Variants in ATL1 observed in about 807,000 individuals in gnomAD.
ATL1 encodes the protein atlastin-1.
In ATL1, 31 loss-of-function variants were observed where a neutral mutation model predicts 75.5. The ratio of observed to expected loss-of-function variants is 0.41; its 90% CI spans 0.31 to 0.55. The LOEUF is 0.55. ATL1 is among the 20% of genes least tolerant of loss of function. The pLI is 0.27. For synonymous variants in ATL1, 226 were observed against 233.3 expected, an observed-to-expected ratio of 0.97 and a Z score of 0.28; for missense variants, 405 against 662.6, an observed-to-expected ratio of 0.61 and a Z score of 4.27.
intron 6 of ATL1, among the ~76,000 whole-genome samples, chr14:50,609,398 A>G (rs2039343440): frequency 6.6e-6 from 1 of 152,060 alleles, no homozygotes; most frequent in Admixed American, 6.6e-5. Flanking sequence ...ATTAAAAAAA[A>G]ACTTTCATTA....
At chr14:50,564,093 T>C (rs1479843615) in intron 1 of ATL1, among the ~76,000 whole-genome samples, 1 of 152,090 alleles carries the variant, frequency 6.6e-6, no homozygotes, top group Non-Finnish European at 1.5e-5. Flanking sequence ...CTGTATAAAT[T>C]TGATCATTTG....
At chr14:50,560,788 G>T (rs544272911) in intron 1 of ATL1, among the ~76,000 whole-genome samples, 3 of 152,190 alleles carry the variant, frequency 2.0e-5, no homozygotes, top group Admixed American at 6.5e-5. Flanking sequence ...GGCGGCGGGC[G>T]GCGGGCGGCG....
chr14:50,569,151 G>C (rs2038931967), intron 1 of ATL1, among the ~76,000 whole-genome samples: 1 of 151,524 alleles, frequency 6.6e-6, no homozygotes. Context: ...TGGAGTTCAA[G>C]ACCAGGAATT....
chr14:50,535,318 A>G (rs2038477970), intron 1 of ATL1, among the ~76,000 whole-genome samples: 1 of 152,264 alleles, frequency 6.6e-6, no homozygotes, highest in Admixed American at 6.5e-5. Flanking sequence ...GCTAAGGTTC[A>G]CAATTTATTA....
chr14:50,566,386 A>G (rs2038904455), intron 1 of ATL1, among the ~76,000 whole-genome samples: 1 of 152,194 alleles, frequency 6.6e-6, no homozygotes, highest in Non-Finnish European at 1.5e-5. Flanking sequence ...CAGTTTAGCT[A>G]TAAATAAATA....
upstream of ATL1, chr14:50,559,583 A>G (rs917462239): frequency 1.3e-5 from 2 of 152,248 alleles, no homozygotes; most frequent in Admixed American, 1.3e-4. Context: ...AATTTTACCC[A>G]GTGGATATTG....
At chr14:50,575,166 AT>A (rs2038994258) in intron 1 of ATL1, among the ~76,000 whole-genome samples, 1 of 151,682 alleles carries the variant, frequency 6.6e-6, no homozygotes, top group African/African-American at 2.4e-5. Flanking sequence ...ACACACACAC[AT>A]ACACACACAT....
At chr14:50,627,021 G>A (rs149368730) in intron 11 of ATL1, among the ~76,000 whole-genome samples, 1 of 152,196 alleles carries the variant, frequency 6.6e-6, no homozygotes. Flanking sequence ...GTAAAATGCT[G>A]TCAAATGGCA....
intron 4 of ATL1, 130 bp downstream of exon 4, chr14:50,591,769 C>T: frequency 1.5e-6 from 1 of 670,928 alleles, no homozygotes; most frequent in South Asian, 1.9e-5. Flanking sequence ...ACTCAATTAG[C>T]ATACGAGTTC....
chr14:50,554,849 C>G (rs1379412530), intron 1 of ATL1, among the ~76,000 whole-genome samples: 1 of 152,278 alleles, frequency 6.6e-6, no homozygotes, highest in African/African-American at 2.4e-5. Flanking sequence ...TCTCTTGGTT[C>G]CCTCCCAGCT....
intron 6 of ATL1, among the ~76,000 whole-genome samples, chr14:50,602,041 T>C (rs1000876942): frequency 2.0e-5 from 3 of 152,200 alleles, no homozygotes; most frequent in South Asian, 2.1e-4. Context: ...TTGTTCTGTA[T>C]TGGGATGATC....
At chr14:50,557,969 C>A (rs2038784297), upstream of ATL1, among the ~76,000 whole-genome samples, 1 of 152,218 alleles carries the variant, frequency 6.6e-6, no homozygotes, top group African/African-American at 2.4e-5. Context: ...GACACACGAG[C>A]TGACCCTCAG....
At chr14:50,620,813 T>A (rs1043652613) in intron 9 of ATL1, 87 bp downstream of exon 9, 1 of 1,475,082 alleles carries the variant, frequency 6.8e-7, no homozygotes. Flanking sequence ...ATAGACCCGA[T>A]AATATGGGAG....
intron 8 of ATL1, among the ~76,000 whole-genome samples, chr14:50,614,905 G>T (rs555048183): frequency 3.3e-5 from 5 of 152,142 alleles, no homozygotes; most frequent in Non-Finnish European, 7.4e-5. Context: ...TGAAAGAAAT[G>T]CTCTTTAAAA....
intron 11 of ATL1, 54 bp from the exon 12 acceptor site, chr14:50,627,977 A>C: frequency 6.3e-7 from 1 of 1,583,294 alleles, no homozygotes; most frequent in Non-Finnish European, 8.7e-7. Flanking sequence ...ATTTTGATAC[A>C]GTTGCCAATT....
chr14:50,578,698 C>G (rs2039029404), intron 1 of ATL1, among the ~76,000 whole-genome samples: 1 of 152,146 alleles, frequency 6.6e-6, no homozygotes, highest in African/African-American at 2.4e-5. Context: ...CTTCCTCATT[C>G]TTTACAATTA....
intron 6 of ATL1, among the ~76,000 whole-genome samples, chr14:50,599,977 T>G (rs1213051879): frequency 2.1e-5 from 3 of 142,926 alleles, no homozygotes; most frequent in African/African-American, 8.3e-5. Context: ...TACTAGACTC[T>G]GTTGTCTTTT....
In ATL1 at chr14:50,610,628, T is replaced by C. The variant is rs1595612737; in HGVS notation, c.631-2631T>C. Among the ~76,000 whole-genome samples, 3 of 152,278 alleles carry C rather than the reference T, an allele frequency of 2.0e-5. No individual in the cohort carries two copies. In the East Asian group the frequency reaches 5.8e-4, roughly 29 times the overall value. ...GCCAAACAACTTTGAATATTGTGAGTACAGAGCAGAGTGTAAATATTTTAA... is the reference window on the plus strand; with the variant it reads ...GCCAAACAACTTTGAATATTGTGAGCACAGAGCAGAGTGTAAATATTTTAA... On this transcript the variant is annotated intron_variant, in intron 6 of 13. Coordinates refer to ENST00000358385, the MANE Select transcript of ATL1 (RefSeq NM_015915.5).
At chr14:50,554,895 C>A (rs1319124108) in intron 1 of ATL1, among the ~76,000 whole-genome samples, 1 of 152,186 alleles carries the variant, frequency 6.6e-6, no homozygotes, top group Non-Finnish European at 1.5e-5. Context: ...CTGGATTTTT[C>A]TCATAACACC....
Sources: gnomAD v4.1 joint callset for allele counts (sites outside exome capture counted in the v4.1 genomes callset) on GRCh38, gnomAD v4.1.1 for gene constraint, MANE v1.5 for transcripts, NCBI Gene and HGNC (gene_info 2026-07-23, HGNC 2026-07-21) for gene names.